The following SHISA6 variants were observed in gnomAD, a reference collection of about 807,000 sequenced individuals.
The protein encoded by SHISA6 is protein shisa-6.
In SHISA6, 22 loss-of-function variants were observed where a neutral mutation model predicts 47.9. That is an observed-to-expected ratio of 0.46 (90% CI 0.33 to 0.66). SHISA6 has a LOEUF of 0.66. SHISA6 is among the 30% of genes least tolerant of loss of function. The pLI is 0.02. For missense variants in SHISA6, 680 were observed against 764.6 expected, an observed-to-expected ratio of 0.89 and a Z score of 1.30; for synonymous variants, 388 against 337.8, an observed-to-expected ratio of 1.15 and a Z score of -1.63.
intron 3 of SHISA6, among the ~76,000 whole-genome samples, chr17:11,445,774 G>A (rs1398820545): frequency 3.3e-5 from 5 of 152,278 alleles, no homozygotes; most frequent in Middle Eastern, 3.4e-3. Context: ...CCCGGGGGCC[G>A]GGAGCAAGGC....
chr17:11,386,622 AAG>A (rs1187670900), intron 3 of SHISA6, among the ~76,000 whole-genome samples: 1 of 152,196 alleles, frequency 6.6e-6, no homozygotes, highest in African/African-American at 2.4e-5. Context: ...TCCAATAAAA[AAG>A]GGAAAAATTG....
At chr17:11,401,647 T>C (rs749842320) in intron 3 of SHISA6, among the ~76,000 whole-genome samples, 13 of 152,316 alleles carry the variant, frequency 8.5e-5, no homozygotes, top group South Asian at 6.2e-4. Flanking sequence ...AATTTAAAAA[T>C]TTGGTGTCTG....
intron 3 of SHISA6, among the ~76,000 whole-genome samples, chr17:11,417,674 A>G (rs1284019274): frequency 6.6e-6 from 1 of 152,196 alleles, no homozygotes; most frequent in African/African-American, 2.4e-5. Context: ...GCTGCTTTGG[A>G]CCATCTTCTC....
intron 3 of SHISA6, among the ~76,000 whole-genome samples, chr17:11,528,731 A>C (rs1462351529): frequency 6.6e-6 from 1 of 152,214 alleles, no homozygotes; most frequent in South Asian, 2.1e-4. Flanking sequence ...GATGGTGTCC[A>C]AGACCCAAGG....
chr17:11,385,601 A>T (rs1235607876), intron 3 of SHISA6, among the ~76,000 whole-genome samples: 1 of 151,430 alleles, frequency 6.6e-6, no homozygotes, highest in Non-Finnish European at 1.5e-5. Flanking sequence ...TCAAGGGAAA[A>T]CTCTTGGTTG....
At chr17:11,477,164 G>A (rs1916071325) in intron 3 of SHISA6, among the ~76,000 whole-genome samples, 1 of 152,104 alleles carries the variant, frequency 6.6e-6, no homozygotes, top group Non-Finnish European at 1.5e-5. Flanking sequence ...TATATTTAAA[G>A]TGGGTTTCTT....
intron 3 of SHISA6, among the ~76,000 whole-genome samples, chr17:11,501,945 G>T (rs2969188): frequency 6.6e-6 from 1 of 151,918 alleles, no homozygotes; most frequent in Non-Finnish European, 1.5e-5. Context: ...TGCTAGGAAG[G>T]GGACAATTCC....
At chr17:11,529,204 T>C (rs943476715) in intron 3 of SHISA6, among the ~76,000 whole-genome samples, 2 of 150,812 alleles carry the variant, frequency 1.3e-5, no homozygotes, top group African/African-American at 2.4e-5. Flanking sequence ...AAAAAAAAAA[T>C]TAAAAAAAAT....
intron 2 of SHISA6, among the ~76,000 whole-genome samples, chr17:11,300,654 C>CT (rs902496391): frequency 4.0e-5 from 6 of 149,798 alleles, no homozygotes; most frequent in Admixed American, 1.3e-4. Context: ...CAGTTTAGGA[C>CT]TTTTTTTTCT....
At chr17:11,268,255 A>G (rs1252896918) in intron 2 of SHISA6, among the ~76,000 whole-genome samples, 2 of 152,176 alleles carry the variant, frequency 1.3e-5, no homozygotes, top group Non-Finnish European at 2.9e-5. Context: ...ATATCCATTA[A>G]TGGCAGACAA....
Position 11,241,491 on chromosome 17 carries a change from C to T in SHISA6, c.69C>T (p.Val23=). Reference sequence around the variant, plus strand: ...AGTCCCTGGACCTGCTGCCCAGCGTCCACGGAGCCCGCGGCCGCGCCGCCA... The same window carrying T: ...AGTCCCTGGACCTGCTGCCCAGCGTTCACGGAGCCCGCGGCCGCGCCGCCA... The part of the protein sequence containing the change: ...SLESLDLLPS[V]HGARGRAANR... Residue 23 remains valine (V), a synonymous_variant, in exon 1 of 6, where the codon GTC becomes GTT. Coordinates refer to ENST00000441885, the MANE Select transcript of SHISA6 (RefSeq NM_207386.4). This position sits in a 1 kb window ranked among gnomAD's most constrained non-coding sequence, Gnocchi z 5.5. 8.5e-7 allele frequency: 1 copy of T among 1,170,074 alleles called. No homozygotes were observed. Among genetic ancestry groups the T allele is most frequent in the Non-Finnish European group, 1.1e-6 (1 of 938,080 alleles). 72.5% of individuals were successfully genotyped at this position (1,170,074 alleles called of 1,614,324 possible). A position where few individuals can be genotyped will look rare whatever the true frequency, so the allele number is the denominator to read the frequency against.
At chr17:11,313,861 G>T (rs2142189151) in intron 2 of SHISA6, among the ~76,000 whole-genome samples, 1 of 152,264 alleles carries the variant, frequency 6.6e-6, no homozygotes, top group South Asian at 2.1e-4. Flanking sequence ...GAGAGAGAGA[G>T]AAGGACCAGG....
intron 3 of SHISA6, among the ~76,000 whole-genome samples, chr17:11,477,770 T>C (rs1916091637): frequency 6.6e-6 from 1 of 150,788 alleles, no homozygotes; most frequent in Non-Finnish European, 1.5e-5. Flanking sequence ...TATGGCTGCA[T>C]AGTATTCCAT....
intron 3 of SHISA6, among the ~76,000 whole-genome samples, chr17:11,419,802 G>A (rs1426292648): frequency 6.6e-6 from 1 of 152,152 alleles, no homozygotes; most frequent in Non-Finnish European, 1.5e-5. Flanking sequence ...CTTTTCCCTG[G>A]ATGACCTTGA....
intron 2 of SHISA6, among the ~76,000 whole-genome samples, chr17:11,350,711 A>C (rs1911860711): frequency 6.6e-6 from 1 of 151,978 alleles, no homozygotes; most frequent in Admixed American, 6.6e-5. Context: ...TGATCAGAGC[A>C]TTTTTTCTAG....
At chr17:11,373,147 T>C (rs1403430651) in intron 2 of SHISA6, among the ~76,000 whole-genome samples, 1 of 151,998 alleles carries the variant, frequency 6.6e-6, no homozygotes, top group Non-Finnish European at 1.5e-5. Context: ...TTTTTAGAAA[T>C]TCTAGAGTTT....
At chr17:11,391,182 A>T (rs1398874991) in intron 3 of SHISA6, among the ~76,000 whole-genome samples, 5 of 151,930 alleles carry the variant, frequency 3.3e-5, no homozygotes, top group Admixed American at 6.6e-5. Flanking sequence ...TAGAGGGTAG[A>T]GCAGAAAAGT....
At chr17:11,354,100 G>C (rs1911995491) in intron 2 of SHISA6, among the ~76,000 whole-genome samples, 1 of 152,144 alleles carries the variant, frequency 6.6e-6, no homozygotes, top group Admixed American at 6.5e-5. Flanking sequence ...CTAGCCCCTA[G>C]TTGTGACAAA....
chr17:11,434,608 T>C (rs1914884388), intron 3 of SHISA6, among the ~76,000 whole-genome samples: 1 of 152,228 alleles, frequency 6.6e-6, no homozygotes, highest in Non-Finnish European at 1.5e-5. Flanking sequence ...TTTTTAGTTT[T>C]TTCAGGTGTC....
Sources: allele counts gnomAD v4.1 joint callset (sites outside exome capture counted in the v4.1 genomes callset), GRCh38; gene constraint gnomAD v4.1.1; non-coding constraint Gnocchi (gnomAD v3.1); transcripts MANE v1.5; gene names NCBI Gene and HGNC (gene_info 2026-07-23, HGNC 2026-07-21).